Variants in SLC25A16 observed in about 807,000 individuals in gnomAD.
SLC25A16 encodes the protein mitochondrial coenzyme A transporter SLC25A16.
In SLC25A16, 39 loss-of-function variants were observed where a neutral mutation model predicts 41.5. That is an observed-to-expected ratio of 0.94 (90% CI 0.73 to 1.23). The LOEUF (loss-of-function observed/expected upper bound fraction) is 1.23. SLC25A16 is among the 50% of genes most tolerant of loss of function. The pLI is 0.00. For missense variants in SLC25A16, 421 were observed against 426.9 expected (o/e 0.99, Z 0.12); for synonymous variants, 146 against 147.8 (o/e 0.99, Z 0.09).
At chr10:68,525,455 T>C (rs2053321865) in intron 1 of SLC25A16, among the ~76,000 whole-genome samples, 1 of 152,108 alleles carries the variant, frequency 6.6e-6, no homozygotes, top group Non-Finnish European at 1.5e-5. Flanking sequence ...TGTTTGTTTT[T>C]GTTTTTTTCT....
chr10:68,511,679 A>G (rs1029333979), intron 2 of SLC25A16, among the ~76,000 whole-genome samples: 3 of 152,080 alleles, frequency 2.0e-5, no homozygotes, highest in Non-Finnish European at 2.9e-5. Flanking sequence ...TAATCTCTCA[A>G]TAAGTTCACA....
At chr10:68,507,701 A>G (rs1041092232) in intron 2 of SLC25A16, among the ~76,000 whole-genome samples, 21 of 152,186 alleles carry the variant, frequency 1.4e-4, no homozygotes, top group African/African-American at 5.1e-4. Flanking sequence ...AGCAGTATAC[A>G]GACTTCTCAA....
In SLC25A16 at chr10:68,497,703, G is replaced by A. The variant is rs187574633; in HGVS notation, c.422-4133C>T. Among the ~76,000 whole-genome samples, 9 of 148,132 alleles carry A rather than the reference G, an allele frequency of 6.1e-5. No individual in the cohort carries two copies. In the East Asian group the frequency reaches 7.9e-4, roughly 13 times the overall value. Reference sequence around the variant, plus strand: ...GTGATCTCAGCTCATTGAAACCTCCGCCTCCCGGGTTCAAGCAATTCTCCT... The same window carrying A: ...GTGATCTCAGCTCATTGAAACCTCCACCTCCCGGGTTCAAGCAATTCTCCT... On this transcript the variant is annotated intron_variant, in intron 4 of 8. Coordinates refer to ENST00000609923, the MANE Select transcript of SLC25A16 (RefSeq NM_152707.4).
intron 1 of SLC25A16, among the ~76,000 whole-genome samples, chr10:68,518,890 G>A (rs754338241): frequency 3.3e-5 from 5 of 151,702 alleles, no homozygotes; most frequent in African/African-American, 4.8e-5. Flanking sequence ...TCTCTTATCC[G>A]AACTAATGAA....
intron 1 of SLC25A16, chr10:68,518,267 A>C (rs915108888): frequency 9.9e-5 from 15 of 151,830 alleles, no homozygotes; most frequent in African/African-American, 3.4e-4. Flanking sequence ...AAAATAAAAA[A>C]ATTAGCCGGG....
chr10:68,486,927 A>C, intron 8 of SLC25A16: 2 of 321,634 alleles, frequency 6.2e-6, no homozygotes, highest in Non-Finnish European at 1.1e-5. Context: ...ACTGCACTCC[A>C]GCCCGGGTGA....
intron 6 of SLC25A16, among the ~76,000 whole-genome samples, chr10:68,491,281 C>G (rs572937970): frequency 1.3e-3 from 190 of 151,440 alleles, no homozygotes; most frequent in African/African-American, 4.2e-3. Flanking sequence ...GACTGGAGTG[C>G]GATGGTGCAA....
intron 8 of SLC25A16, among the ~76,000 whole-genome samples, chr10:68,486,774 G>A (rs1427062981): frequency 1.3e-5 from 2 of 151,474 alleles, no homozygotes; most frequent in Non-Finnish European, 2.9e-5. Flanking sequence ...TGGCCAACAT[G>A]GTGAAACCTT....
chr10:68,490,689 A>G (rs7914862), intron 6 of SLC25A16, among the ~76,000 whole-genome samples: 3,412 of 146,934 alleles, frequency 0.023, 124 homozygotes, highest in African/African-American at 0.08. Context: ...AGTGAAGGGG[A>G]AAAAAAAAAA....
chr10:68,487,954 A>G (rs1344197912), intron 7 of SLC25A16, among the ~76,000 whole-genome samples: 7 of 152,042 alleles, frequency 4.6e-5, no homozygotes, highest in African/African-American at 1.7e-4. Context: ...CCCAGGTTCA[A>G]GCAATTCTCT....
In SLC25A16 at chr10:68,508,520, C is replaced by T. The variant is rs543347286; in HGVS notation, c.224-1802G>A. ...CCTAAGGTTGGGAGTTCGAGACCAGCTTGACCAACATGGAGAAACTCCCGT... is the reference window on the plus strand; with the variant it reads ...CCTAAGGTTGGGAGTTCGAGACCAGTTTGACCAACATGGAGAAACTCCCGT... On this transcript the variant is annotated intron_variant, in intron 2 of 8. Transcript: ENST00000609923. Among the ~76,000 whole-genome samples the T allele has an allele frequency of 5.9e-5, 9 of 151,710 alleles. No homozygotes were observed. In the South Asian group the frequency reaches 1.9e-3, roughly 32 times the overall value.
chr10:68,527,168 G>C (rs2053350192), intron 1 of SLC25A16, 78 bp downstream of exon 1: 3 of 1,460,746 alleles, frequency 2.1e-6, no homozygotes, highest in Non-Finnish European at 2.8e-6. Context: ...ATGTCATAGA[G>C]GCCGCTTGCA....
At chr10:68,499,897 G>A in intron 4 of SLC25A16, 1 of 577,426 alleles carries the variant, frequency 1.7e-6, no homozygotes, top group Non-Finnish European at 3.3e-6. Flanking sequence ...TGAACAGAAA[G>A]CCAAATCTCG....
At chr10:68,517,908 T>C (rs1225345487) in intron 1 of SLC25A16, 2 of 146,682 alleles carry the variant, frequency 1.4e-5, no homozygotes, top group Non-Finnish European at 3.0e-5. Context: ...GAGGCCGAGG[T>C]TGCAGTGAGC....
At chr10:68,497,137 G>A (rs940664569) in intron 4 of SLC25A16, among the ~76,000 whole-genome samples, 2 of 152,180 alleles carry the variant, frequency 1.3e-5, no homozygotes, top group African/African-American at 2.4e-5. Context: ...ATACGGAAGT[G>A]GATTTGTTCT....
chr10:68,486,336 C>T (rs1204455928), intron 8 of SLC25A16, among the ~76,000 whole-genome samples: 1 of 151,556 alleles, frequency 6.6e-6, no homozygotes, highest in Non-Finnish European at 1.5e-5. Context: ...CTCAAGTGAT[C>T]CTCCCACCTT....
At chr10:68,526,639 AC>A (rs1472139473) in intron 1 of SLC25A16, among the ~76,000 whole-genome samples, 2 of 152,176 alleles carry the variant, frequency 1.3e-5, no homozygotes, top group Non-Finnish European at 2.9e-5. Flanking sequence ...CCCCTACACA[AC>A]CCAGAGAAGT....
At chr10:68,493,412 G>T in intron 5 of SLC25A16, 37 bp downstream of exon 5, 1 of 1,566,888 alleles carries the variant, frequency 6.4e-7, no homozygotes, top group South Asian at 1.1e-5. Context: ...AAGTATAAAA[G>T]GGCATGTTAT....
Position 68,482,376 on chromosome 10 carries a change from T to C in SLC25A16, c.*1056A>G, listed in dbSNP as rs1397450292. The C allele has an allele frequency of 6.6e-6, 1 of 152,610 alleles. No individual in the cohort carries two copies. The highest frequency in any genetic ancestry group is 1.5e-5 in the Non-Finnish European group (1 of 68,034). The allele number at this position is 152,610 out of a possible 1,614,324, so 9.5% of individuals were successfully genotyped here. On this transcript the variant is annotated 3_prime_UTR_variant, in exon 9 of 9. Coordinates refer to ENST00000609923, the MANE Select transcript of SLC25A16 (RefSeq NM_152707.4). ...CTTACATTTTAAAACATTTTCTTAATATAAAGGATAACAATTCAAATCATA... is the reference window on the plus strand; with the variant it reads ...CTTACATTTTAAAACATTTTCTTAACATAAAGGATAACAATTCAAATCATA...
Sources: allele counts gnomAD v4.1 joint callset (sites outside exome capture counted in the v4.1 genomes callset), GRCh38; gene constraint gnomAD v4.1.1; transcripts MANE v1.5; gene names NCBI Gene and HGNC (gene_info 2026-07-23, HGNC 2026-07-21).